The following PITPNB variants were observed in gnomAD, a reference collection of about 807,000 sequenced individuals.
PITPNB encodes the protein phosphatidylinositol transfer protein beta isoform.
PITPNB carries 16 observed loss-of-function variants against 45.9 expected under a neutral mutation model. The observed-to-expected ratio is 0.35, with a 90% confidence interval of 0.24 to 0.53. The LOEUF (loss-of-function observed/expected upper bound fraction) is 0.53, where lower values mean the gene tolerates loss of function less well. PITPNB is among the 20% of genes least tolerant of loss of function. The pLI is 0.93. For synonymous variants in PITPNB, 112 were observed against 108.9 expected (o/e 1.03, Z -0.18); for missense variants, 188 against 330.5 (o/e 0.57, Z 3.34).
intron 7 of PITPNB, among the ~76,000 whole-genome samples, chr22:27,876,945 T>C (rs1027051060): frequency 1.3e-5 from 2 of 152,188 alleles, no homozygotes; most frequent in African/African-American, 4.8e-5. Context: ...AGCTGCAGAC[T>C]TCTCATCTCA....
At chr22:27,904,695 T>C (rs1251039361) in intron 3 of PITPNB, among the ~76,000 whole-genome samples, 1 of 152,026 alleles carries the variant, frequency 6.6e-6, no homozygotes, top group Non-Finnish European at 1.5e-5. Flanking sequence ...AGGAGGCAAG[T>C]CTAAGAGAGA....
At chr22:27,892,481 C>G (rs747303641) in intron 7 of PITPNB, among the ~76,000 whole-genome samples, 8 of 152,098 alleles carry the variant, frequency 5.3e-5, no homozygotes, top group Non-Finnish European at 1.0e-4. Flanking sequence ...TTTCAAACAC[C>G]AACAACATAA....
chr22:27,897,257 AT>A, intron 4 of PITPNB, 120 bp from the exon 5 acceptor site: 1 of 771,454 alleles, frequency 1.3e-6, no homozygotes, highest in Non-Finnish European at 2.3e-6. Context: ...AAAACAGAAC[AT>A]TTATTTAGTA....
chr22:27,891,688 T>C (rs1211181525), intron 7 of PITPNB, among the ~76,000 whole-genome samples: 1 of 152,074 alleles, frequency 6.6e-6, no homozygotes, highest in Non-Finnish European at 1.5e-5. Context: ...CCTCCTCCTC[T>C]CTCTCCTGCC....
At chr22:27,877,636 C>T (rs1449444335) in intron 7 of PITPNB, among the ~76,000 whole-genome samples, 2 of 152,200 alleles carry the variant, frequency 1.3e-5, no homozygotes, top group East Asian at 3.9e-4. Context: ...ATATTAGTTT[C>T]ATGAATCTTT....
In PITPNB at chr22:27,909,583, C is replaced by A. The variant is rs188908888; in HGVS notation, c.197+1381G>T. On this transcript the variant is annotated intron_variant, in intron 3 of 11. Transcript: ENST00000335272. ...AATACAAATTTTAACAAGAGACTAT[C>A]TTTTGTCTACGAAATTAGCAAAAAT... 7.2e-5 allele frequency among the ~76,000 whole-genome samples: 11 copies of A among 152,178 alleles called. No homozygotes were observed. In the East Asian group the frequency reaches 2.1e-3, roughly 29 times the overall value.
intron 8 of PITPNB, among the ~76,000 whole-genome samples, chr22:27,872,535 T>C (rs1318456573): frequency 1.3e-5 from 2 of 152,180 alleles, no homozygotes; most frequent in Non-Finnish European, 2.9e-5. Flanking sequence ...TAGTTATGAA[T>C]CATTTCTTAT....
chr22:27,880,907 C>T (rs1319274284), intron 7 of PITPNB, among the ~76,000 whole-genome samples: 2 of 152,190 alleles, frequency 1.3e-5, no homozygotes. Flanking sequence ...AGGCGTGAGC[C>T]ACTGCACCCA....
intron 7 of PITPNB, among the ~76,000 whole-genome samples, chr22:27,878,245 C>T (rs1398692760): frequency 6.6e-6 from 1 of 152,114 alleles, no homozygotes; most frequent in Non-Finnish European, 1.5e-5. Flanking sequence ...ATTAGCACTG[C>T]CCTGAATTTT....
In PITPNB at chr22:27,873,745, T is replaced by G. The variant is rs374909387; in HGVS notation, c.527A>C (p.Asn176Thr). 9 of 1,604,272 alleles carry G rather than the reference T, an allele frequency of 5.6e-6. No homozygotes were observed. In the African/African-American group the frequency reaches 1.1e-4, roughly 19 times the overall value. ...VKTKRGPLGP[N>T]WKKELANSPD... Reference sequence around the variant, plus strand: ...AAGGTCAGCATCCAGTACCTTCCAGTTGGGTCCCAAAGGGCCTCTCTTGGT... The same window carrying G: ...AAGGTCAGCATCCAGTACCTTCCAGGTGGGTCCCAAAGGGCCTCTCTTGGT... The change falls in exon 8 of 12, where the codon AAC (asparagine) becomes ACC (threonine). Residue 176 changes from asparagine to threonine, a missense_variant. Physicochemically the swap from Asn to Thr is moderately conservative, Grantham distance 65. Transcript: ENST00000335272.
chr22:27,873,894 G>C (rs1934742765), intron 7 of PITPNB, 79 bp from the exon 8 acceptor site: 1 of 894,492 alleles, frequency 1.1e-6, no homozygotes, highest in Admixed American at 1.8e-5. Context: ...GCTCTTCGCA[G>C]CTACCAAAAC....
In PITPNB at chr22:27,858,408, C is replaced by T; in HGVS notation, c.747G>A (p.Glu249=). Residue 249 remains glutamate, a synonymous_variant, in exon 10 of 12, where the codon GAG becomes GAA. Transcript: ENST00000335272. ...TTACTGTTTCTAGTTCTTTCTGAGT[C>T]TCGTCTTCCATTCTCCTAATGTCTT... is the stretch of plus-strand genomic sequence containing the variant. ...TMEDIRRMED[E]TQKELETMRK... is the part of the protein sequence containing the mutation. The T allele has an allele frequency of 6.2e-7, 1 of 1,607,296 alleles. No individual in the cohort carries two copies. Among genetic ancestry groups the T allele is most frequent in the East Asian group, 2.2e-5 (1 of 44,550 alleles).
In PITPNB at chr22:27,885,212, T is replaced by TTAAAAAAA. The variant is rs1569019261; in HGVS notation, c.456+9342_456+9343insTTTTTTTA. 3.6e-4 allele frequency among the ~76,000 whole-genome samples: 11 copies of TTAAAAAAA among 30,192 alleles called. No individual in the cohort carries two copies. In the East Asian group the frequency reaches 4.9e-3, roughly 13 times the overall value. 19.8% of individuals were successfully genotyped at this position (30,192 alleles called of 152,430 possible). A position where few individuals can be genotyped will look rare whatever the true frequency, so the allele number is the denominator to read the frequency against. On this transcript the variant is annotated intron_variant, in intron 7 of 11. Transcript: ENST00000335272. ...AAAGAGCCAGATTCAAATTTATACC[T>TTAAAAAAA]AAAAAAAAAAAAAAAAAAAAAAAAA...
intron 3 of PITPNB, among the ~76,000 whole-genome samples, chr22:27,901,899 A>AAT (rs555724000): frequency 8.6e-5 from 13 of 151,602 alleles, no homozygotes; most frequent in African/African-American, 3.2e-4. Context: ...AATAATAATA[A>AAT]ATATATATAT....
intron 7 of PITPNB, among the ~76,000 whole-genome samples, chr22:27,889,395 G>A (rs1253809788): frequency 6.6e-6 from 1 of 152,116 alleles, no homozygotes; most frequent in Non-Finnish European, 1.5e-5. Flanking sequence ...GATCTGGGGA[G>A]ACATGGGCTA....
chr22:27,901,070 G>A (rs1051780405), intron 3 of PITPNB, among the ~76,000 whole-genome samples: 4 of 152,056 alleles, frequency 2.6e-5, no homozygotes, highest in Admixed American at 2.0e-4. Flanking sequence ...GCTCCCTCAT[G>A]ATAAACCAAT....
intron 7 of PITPNB, among the ~76,000 whole-genome samples, chr22:27,891,399 G>A (rs1254338392): frequency 6.6e-6 from 1 of 152,204 alleles, no homozygotes; most frequent in Non-Finnish European, 1.5e-5. Context: ...AATGCTTGGT[G>A]TGAACACAGA....
intron 7 of PITPNB, among the ~76,000 whole-genome samples, chr22:27,878,004 G>C (rs1934868697): frequency 6.6e-6 from 1 of 152,130 alleles, no homozygotes; most frequent in African/African-American, 2.4e-5. Context: ...ATAAAAGCTT[G>C]AGAGAGACAT....
intron 2 of PITPNB, 85 bp from the exon 3 acceptor site, chr22:27,911,194 A>G: frequency 1.1e-6 from 1 of 931,870 alleles, no homozygotes; most frequent in Non-Finnish European, 1.7e-6. Flanking sequence ...AATATAGATG[A>G]TATAGAAAAG....
Sources: gnomAD v4.1 joint callset for allele counts (sites outside exome capture counted in the v4.1 genomes callset) on GRCh38, gnomAD v4.1.1 for gene constraint, MANE v1.5 for transcripts, NCBI Gene and HGNC (gene_info 2026-07-23, HGNC 2026-07-21) for gene names.